Variants in PTPRN observed in about 807,000 individuals in gnomAD.
PTPRN encodes the protein receptor-type tyrosine-protein phosphatase-like N.
A neutral mutation model predicts 108.5 loss-of-function variants in PTPRN; 70 were observed. That is an observed-to-expected ratio of 0.65 (90% CI 0.53 to 0.79). The LOEUF (loss-of-function observed/expected upper bound fraction) is 0.79, where lower values mean the gene tolerates loss of function less well. Ranked by LOEUF, PTPRN falls within the 30% of genes least tolerant of loss-of-function variation. The pLI is 0.00. For synonymous variants in PTPRN, 496 were observed against 524.6 expected (o/e 0.95, Z 0.75); for missense variants, 1,136 against 1,295.5 (o/e 0.88, Z 1.89).
intron 8 of PTPRN, 138 bp downstream of exon 8, chr2:219,300,805 C>T (rs79047930): frequency 0.013 from 11,303 of 884,090 alleles, 115 homozygotes; most frequent in African/African-American, 0.036. Context: ...CAATAACTTG[C>T]GGTCTCTGGG....
chr2:219,303,425 T>C (rs1435411514), intron 4 of PTPRN, among the ~76,000 whole-genome samples: 1 of 152,236 alleles, frequency 6.6e-6, no homozygotes, highest in Admixed American at 6.5e-5. Context: ...AAATGGAATA[T>C]TGAACAACTT....
chr2:219,299,286 A>G lies in PTPRN; in HGVS notation c.1603+19T>C. 1 of 1,613,058 alleles carries G rather than the reference A, an allele frequency of 6.2e-7. No individual in the cohort carries two copies. Among genetic ancestry groups the G allele is most frequent in the Non-Finnish European group, 8.5e-7 (1 of 1,178,980 alleles). ...GGGGCTGGGGCCAAGCCTGGGATTG[A>G]GGTCGCAGAGATATTTACCTGCTTG... On this transcript the variant is annotated intron_variant, in intron 11 of 22. Coordinates refer to ENST00000295718, the MANE Select transcript of PTPRN (RefSeq NM_002846.4).
Position 219,296,086 on chromosome 2 carries a change from ATG to A in PTPRN, c.2508+138_2508+139del, listed in dbSNP as rs1952187101. ...TATATGTGTTTATATATATTCATAT[ATG>A]TATGAATCATGAGCAGGGCCAATAA... is the stretch of plus-strand genomic sequence containing the variant. On this transcript the variant is annotated intron_variant, in intron 18 of 22. Transcript: ENST00000295718. This position sits in a 1 kb window ranked among gnomAD's most constrained non-coding sequence, Gnocchi z 6.0. 1.7e-6 allele frequency: 2 copies of A among 1,192,186 alleles called. No individual in the cohort carries two copies. Among genetic ancestry groups the A allele is most frequent in the South Asian group, 2.9e-5 (2 of 70,032 alleles). 73.9% of individuals were successfully genotyped at this position (1,192,186 alleles called of 1,614,324 possible). A position where few individuals can be genotyped will look rare whatever the true frequency, so the allele number is the denominator to read the frequency against.
rs1952311467 is a variant in PTPRN, at chr2:219,300,247, G to GC, written c.1173dup (p.Pro392AlafsTer29). On this transcript the variant is annotated frameshift_variant, in exon 9 of 23. Coordinates refer to ENST00000295718, the MANE Select transcript of PTPRN (RefSeq NM_002846.4). LOFTEE classifies it high-confidence loss of function. ...TCTGCTGTGTCTCTGCCCTCCACCG[G>GC]CCCCTCCATTGTCTGTTCAGAAGAG... is the stretch of plus-strand genomic sequence containing the variant. The GC allele has an allele frequency of 6.4e-7, 1 of 1,572,728 alleles. No individual in the cohort carries two copies. The highest frequency in any genetic ancestry group is 1.3e-5 in the African/African-American group (1 of 74,184).
chr2:219,298,037 G>A lies in PTPRN; in HGVS notation c.1735C>T (p.Leu579Phe). ...ACACCTGCCAGGGCCACCAGAGTGAGCAGCACTGAGCGCATGGGTGAGGTG... is the reference window on the plus strand; with the variant it reads ...ACACCTGCCAGGGCCACCAGAGTGAACAGCACTGAGCGCATGGGTGAGGTG... Reference protein sequence around the residue: ...HSTSPMRSVLLTLVALAGVAG... With the variant: ...HSTSPMRSVLFTLVALAGVAG... Residue 579 changes from leucine to phenylalanine, a missense_variant, in exon 13 of 23, where the codon CTC (leucine) becomes TTC (phenylalanine). By Grantham distance (22) the Leu-to-Phe change is conservative. Transcript: ENST00000295718. The A allele has an allele frequency of 6.2e-7, 1 of 1,614,108 alleles. No individual in the cohort carries two copies. Among genetic ancestry groups the A allele is most frequent in the Non-Finnish European group, 8.5e-7 (1 of 1,180,008 alleles).
At position 219,299,803 on chromosome 2, in the gene PTPRN, G is replaced by A; in HGVS notation, c.1437-17C>T. The A allele has an allele frequency of 6.3e-7, 1 of 1,595,684 alleles. No individual in the cohort carries two copies. The highest frequency in any genetic ancestry group is 8.6e-7 in the Non-Finnish European group (1 of 1,168,782). ...CTCAGGGGCCTGGAGATGGGAGAAG[G>A]CAGAGGAAGGAAAGTGGGGCAACCC... On this transcript the variant is annotated splice_polypyrimidine_tract_variant and intron_variant, in intron 9 of 22. Transcript: ENST00000295718.
intron 20 of PTPRN, 126 bp downstream of exon 20, chr2:219,291,344 A>G: frequency 9.4e-7 from 1 of 1,059,190 alleles, no homozygotes; most frequent in Non-Finnish European, 1.5e-6. Context: ...GGCCATTAAA[A>G]ACAGGTGGTG....
intron 4 of PTPRN, 122 bp from the exon 5 acceptor site, chr2:219,302,959 A>G: frequency 9.2e-7 from 1 of 1,082,402 alleles, no homozygotes; most frequent in East Asian, 3.1e-5. Flanking sequence ...CTCTTTAGAA[A>G]CTGAGTGACC....
At position 219,299,051 on chromosome 2, in the gene PTPRN, C is replaced by T. The variant is rs143696547; in HGVS notation, c.1664G>A (p.Gly555Glu). ...TGLQILQTGV[G>E]QREEAAAVLP... ...GATTCTCCAGTTAGCGCATACCTGT[C>T]CCACTCCTGTCTGCAAGATTTGGAG... is the stretch of plus-strand genomic sequence containing the variant. Residue 555 changes from glycine (G) to glutamate (E), a missense_variant, in exon 12 of 23, where the codon GGA (glycine) becomes GAA (glutamate). By Grantham distance (98) the Gly-to-Glu change is moderately conservative (BLOSUM62 -2). Transcript: ENST00000295718. The T allele has an allele frequency of 6.2e-7, 1 of 1,614,130 alleles. No individual in the cohort carries two copies. Among genetic ancestry groups the T allele is most frequent in the African/African-American group, 1.3e-5 (1 of 74,942 alleles).
At chr2:219,306,187 C>T (rs1189808838) in intron 3 of PTPRN, among the ~76,000 whole-genome samples, 1 of 151,840 alleles carries the variant, frequency 6.6e-6, no homozygotes, top group Non-Finnish European at 1.5e-5. Flanking sequence ...CAAAATAAAC[C>T]CAAAAAAACT....
At chr2:219,291,578 A>T (rs573168341) in intron 19 of PTPRN, 55 bp from the exon 20 acceptor site, 2 of 1,526,446 alleles carry the variant, frequency 1.3e-6, no homozygotes, top group East Asian at 4.5e-5. Context: ...AGGGAAAGGG[A>T]AGCTGAAACA....
In PTPRN at chr2:219,296,818, G is replaced by A. The variant is rs905908463; in HGVS notation, c.2241C>T (p.Asp747=). The A allele has an allele frequency of 1.2e-6, 2 of 1,613,994 alleles. No individual in the cohort carries two copies. Among genetic ancestry groups the A allele is most frequent in the Non-Finnish European group, 1.7e-6 (2 of 1,179,990 alleles). ...CCACCTTCAGTTTTATGCGGGCATGGTCATCTGCACAGACCCGACACCCCA... is the reference window on the plus strand; with the variant it reads ...CCACCTTCAGTTTTATGCGGGCATGATCATCTGCACAGACCCGACACCCCA... ...KNRHPDFLPY[D]HARIKLKVES... is the part of the protein sequence containing the mutation. Residue 747 remains aspartate, a synonymous_variant, in exon 16 of 23, where the codon GAC becomes GAT. Transcript: ENST00000295718. The surrounding 1 kb of genome is among the most constrained non-coding windows in gnomAD (Gnocchi z 6.0).
At chr2:219,298,701 ACT>A (rs1320256804) in intron 12 of PTPRN, among the ~76,000 whole-genome samples, 1 of 152,158 alleles carries the variant, frequency 6.6e-6, no homozygotes, top group Non-Finnish European at 1.5e-5. Context: ...CAAGAGTGAA[ACT>A]CTGTCTCAGA....
chr2:219,301,568 C>T lies in PTPRN; in HGVS notation c.1126+20G>A, dbSNP rs1179770290. ...ATGGAGCCGGGAGATATTGGTCCCT[C>T]CCTCTGCCTGGACACTTACCCGGAT... is the stretch of plus-strand genomic sequence containing the variant. On this transcript the variant is annotated intron_variant, in intron 7 of 22. Coordinates refer to ENST00000295718, the MANE Select transcript of PTPRN (RefSeq NM_002846.4). The T allele has an allele frequency of 3.8e-6, 6 of 1,597,422 alleles. No individual in the cohort carries two copies. In the South Asian group the frequency reaches 6.6e-5, roughly 18 times the overall value.
chr2:219,302,782 T>C lies in PTPRN; in HGVS notation c.433A>G (p.Ile145Val). The change falls in exon 5 of 23, where the codon ATC becomes GTC. Residue 145 changes from isoleucine (I) to valine (V), a missense_variant. Transcript: ENST00000295718. The part of the protein sequence containing the change: ...GPAGELLLQD[I>V]PTGSAPAAQH... ...GCAGCAGGGGCGGAGCCAGTGGGGA[T>C]GTCCTGTAAAAGCAGCTCTCCAGCA... The C allele has an allele frequency of 1.9e-6, 3 of 1,613,680 alleles. No individual in the cohort carries two copies. Among genetic ancestry groups the C allele is most frequent in the African/African-American group, 1.3e-5 (1 of 75,026 alleles).
chr2:219,296,244 G>A lies in PTPRN; in HGVS notation c.2490C>T (p.Ser830=), dbSNP rs146456787. ...CDRYWPDEGA[S]LYHVYEVNLV... The stretch of plus-strand genomic sequence containing the variant: ...TGCTGACCTCATATACGTGGTAGAG[G>A]GAGGCACCCTCATCTGGCCAGTAGC... Residue 830 remains serine, a synonymous_variant, in exon 18 of 23, where the codon TCC becomes TCT. Coordinates refer to ENST00000295718, the MANE Select transcript of PTPRN (RefSeq NM_002846.4). This position sits in a 1 kb window ranked among gnomAD's most constrained non-coding sequence, Gnocchi z 6.0. 66 of 1,614,144 alleles carry A rather than the reference G, an allele frequency of 4.1e-5. No individual in the cohort carries two copies. The African/African-American group carries it at 8.1e-4, about 20-fold the overall frequency.
Position 219,296,034 on chromosome 2 carries a change from G to T in PTPRN, c.2508+192C>A. The T allele has an allele frequency of 1.4e-6, 1 of 713,912 alleles. No homozygotes were observed. The highest frequency in any genetic ancestry group is 2.3e-6 in the Non-Finnish European group (1 of 440,054). The allele number at this position is 713,912 out of a possible 1,614,324, so 44.2% of individuals were successfully genotyped here. ...TGTTCTGTAAACAGGACACACACAT[G>T]TATATATGTGAATATATGGGTATGC... On this transcript the variant is annotated intron_variant, in intron 18 of 22. Transcript: ENST00000295718. This position sits in a 1 kb window ranked among gnomAD's most constrained non-coding sequence, Gnocchi z 6.0.
In PTPRN at chr2:219,290,395, T is replaced by C; in HGVS notation, c.2869-98A>G. On this transcript the variant is annotated intron_variant, in intron 22 of 22. Coordinates refer to ENST00000295718, the MANE Select transcript of PTPRN (RefSeq NM_002846.4). This position sits in a 1 kb window ranked among gnomAD's most constrained non-coding sequence, Gnocchi z 4.2. ...TGGTGGGGGGAGGGCCCTGGGCAGG[T>C]CCCCTGGGAGGAAGGGAGCCCTCCT... is the stretch of plus-strand genomic sequence containing the variant. 1 of 1,398,492 alleles carries C rather than the reference T, an allele frequency of 7.2e-7. No individual in the cohort carries two copies. The allele number at this position is 1,398,492 out of a possible 1,614,324, so 86.6% of individuals were successfully genotyped here. A position where few individuals can be genotyped will look rare whatever the true frequency, so the allele number is the denominator to read the frequency against.
In PTPRN at chr2:219,302,847, A is replaced by T; in HGVS notation, c.378-10T>A. 3 of 1,606,562 alleles carry T rather than the reference A, an allele frequency of 1.9e-6. No homozygotes were observed. Among genetic ancestry groups the T allele is most frequent in the Non-Finnish European group, 1.7e-6 (2 of 1,178,112 alleles). On this transcript the variant is annotated splice_polypyrimidine_tract_variant and intron_variant, in intron 4 of 22. Transcript: ENST00000295718. ...GGGTGCCAAGCCAGACCTGTAGAGG[A>T]AAGCAAAGTGTGTGTGTTGGAGCGG...
Sources: allele counts gnomAD v4.1 joint callset (sites outside exome capture counted in the v4.1 genomes callset), GRCh38; gene constraint gnomAD v4.1.1; non-coding constraint Gnocchi (gnomAD v3.1); transcripts MANE v1.5; gene names NCBI Gene and HGNC (gene_info 2026-07-23, HGNC 2026-07-21).